The following LYN variants were observed in gnomAD, a reference collection of about 807,000 sequenced individuals.
LYN encodes tyrosine-protein kinase Lyn.
Under a neutral mutation model 65.0 loss-of-function variants are expected in LYN, and 12 were observed. The observed-to-expected ratio is 0.18, with a 90% CI of 0.12 to 0.30. The LOEUF (loss-of-function observed/expected upper bound fraction) is 0.30, where lower values mean the gene tolerates loss of function less well. Among genes scored for constraint, LYN ranks in the 10% least tolerant of loss-of-function variants. LYN has a pLI of 1.00. For missense variants in LYN, 380 were observed against 623.2 expected, an observed-to-expected ratio of 0.61 and a Z score of 4.16; for synonymous variants, 222 against 221.2, an observed-to-expected ratio of 1.00 and a Z score of -0.03.
At chr8:55,912,499 C>T (rs760201237) in intron 1 of LYN, among the ~76,000 whole-genome samples, 6 of 152,226 alleles carry the variant, frequency 3.9e-5, no homozygotes, top group African/African-American at 7.2e-5. Context: ...TCGAGGCAAG[C>T]GGATCACCTG....
intron 10 of LYN, among the ~76,000 whole-genome samples, chr8:55,972,539 G>C (rs2036898): frequency 0.87 from 132,505 of 152,192 alleles, 57,972 homozygotes; most frequent in African/African-American, 0.94. Context: ...TCCCTCGTCC[G>C]CCTGGGATGC....
At position 56,013,436 on chromosome 8, in the gene LYN, A is replaced by T. The variant is rs1187725753; in HGVS notation, c.*3326A>T. 1 of 151,956 alleles carries T rather than the reference A, an allele frequency of 6.6e-6. No homozygotes were observed. Among genetic ancestry groups the T allele is most frequent in the African/African-American group, 2.4e-5 (1 of 41,346 alleles). 9.4% of individuals were successfully genotyped at this position (151,956 alleles called of 1,614,324 possible). On this transcript the variant is annotated 3_prime_UTR_variant, in exon 13 of 13. Coordinates refer to ENST00000519728, the MANE Select transcript of LYN (RefSeq NM_002350.4). ...CAGGCACACACCATCTCGCCTGGCTAATTTTTGTATTTTTAGTAGAGATGG... is the reference window on the plus strand; with the variant it reads ...CAGGCACACACCATCTCGCCTGGCTTATTTTTGTATTTTTAGTAGAGATGG...
At chr8:55,923,968 G>A (rs1441929427) in intron 1 of LYN, among the ~76,000 whole-genome samples, 1 of 151,752 alleles carries the variant, frequency 6.6e-6, no homozygotes, top group Non-Finnish European at 1.5e-5. Context: ...TCTCAAATGG[G>A]ATGTGTACAC....
intron 1 of LYN, among the ~76,000 whole-genome samples, chr8:55,889,080 C>A (rs1804881628): frequency 6.6e-6 from 1 of 152,150 alleles, no homozygotes; most frequent in Non-Finnish European, 1.5e-5. Context: ...TGCAGTGGTG[C>A]TATCTCGGCT....
At chr8:55,961,296 A>G (rs1349090647) in intron 8 of LYN, among the ~76,000 whole-genome samples, 4 of 152,220 alleles carry the variant, frequency 2.6e-5, no homozygotes, top group South Asian at 4.1e-4. Flanking sequence ...TACTAGCTCA[A>G]AAAGTTTTTT....
intron 10 of LYN, among the ~76,000 whole-genome samples, chr8:55,987,191 T>A (rs1434621746): frequency 6.6e-6 from 1 of 152,014 alleles, no homozygotes; most frequent in African/African-American, 2.4e-5. Context: ...GGCAGGCGGA[T>A]CACCTGAGAT....
intron 3 of LYN, 53 bp from the exon 4 acceptor site, chr8:55,947,565 A>T: frequency 1.5e-6 from 2 of 1,351,780 alleles, no homozygotes; most frequent in Non-Finnish European, 2.1e-6. Flanking sequence ...GAGGTTTGTT[A>T]AAACGCTTCT....
chr8:55,920,184 C>A (rs1805903978), intron 1 of LYN, among the ~76,000 whole-genome samples: 2 of 152,010 alleles, frequency 1.3e-5, no homozygotes, highest in South Asian at 2.1e-4. Context: ...GAATCTGAAA[C>A]CTGGACCACT....
chr8:55,887,571 T>TAC lies in LYN; in HGVS notation c.-6+7469_-6+7470insCA, dbSNP rs771404548. On this transcript the variant is annotated intron_variant, in intron 1 of 12. Transcript: ENST00000519728. ...ATAAAAATATAAATATATATATATA[T>TAC]ATATACACACACACACACACACACA... is the stretch of plus-strand genomic sequence containing the variant. Among the ~76,000 whole-genome samples, 490 of 50,316 alleles carry TAC rather than the reference T, an allele frequency of 9.7e-3. 4 individuals are homozygous for TAC. The highest frequency in any genetic ancestry group is 0.04 in the African/African-American group (462 of 11,690). 33.0% of individuals were successfully genotyped at this position (50,316 alleles called of 152,430 possible). A position where few individuals can be genotyped will look rare whatever the true frequency, so the allele number is the denominator to read the frequency against.
At chr8:55,950,655 C>T in intron 5 of LYN, 26 bp from the exon 6 acceptor site, 1 of 1,583,882 alleles carries the variant, frequency 6.3e-7, no homozygotes, top group Non-Finnish European at 8.7e-7. Flanking sequence ...ACATAATATG[C>T]AGGAAATGTT....
At chr8:55,938,165 T>C (rs756373969) in intron 1 of LYN, among the ~76,000 whole-genome samples, 1 of 152,186 alleles carries the variant, frequency 6.6e-6, no homozygotes, top group Non-Finnish European at 1.5e-5. Context: ...AAGAGAAATC[T>C]CCAGCCTCAC....
chr8:55,988,329 T>TGTGTGTGTGTGTG (rs1563325566), intron 10 of LYN, among the ~76,000 whole-genome samples: 2 of 151,776 alleles, frequency 1.3e-5, no homozygotes, highest in African/African-American at 2.4e-5. Context: ...TGTGTGTGTG[T>TGTGTGTGTGTGTG]TTACATCCTA....
intron 8 of LYN, among the ~76,000 whole-genome samples, chr8:55,954,398 A>G (rs10089932): frequency 0.23 from 35,394 of 152,178 alleles, 5,235 homozygotes; most frequent in Non-Finnish European, 0.31. Context: ...GGTCACCAAG[A>G]AAGTTTCTAA....
intron 8 of LYN, among the ~76,000 whole-genome samples, chr8:55,965,271 T>A (rs770433759): frequency 6.6e-6 from 1 of 152,082 alleles, no homozygotes; most frequent in Admixed American, 6.6e-5. Flanking sequence ...CTTGAACAAG[T>A]GTTCTGAGGT....
chr8:55,964,465 T>C (rs989192628), intron 8 of LYN, among the ~76,000 whole-genome samples: 3 of 152,242 alleles, frequency 2.0e-5, no homozygotes, highest in Admixed American at 2.0e-4. Context: ...GAAACATCAT[T>C]GGATAGGTTG....
intron 8 of LYN, among the ~76,000 whole-genome samples, chr8:55,959,873 G>T (rs752019975): frequency 8.5e-5 from 13 of 152,050 alleles, no homozygotes; most frequent in Non-Finnish European, 1.5e-4. Flanking sequence ...TTTTATGGAT[G>T]ACTTATAATA....
At chr8:55,952,230 A>T (rs1038781942) in intron 7 of LYN, 115 bp downstream of exon 7, 2 of 799,956 alleles carry the variant, frequency 2.5e-6, no homozygotes, top group Non-Finnish European at 3.7e-6. Flanking sequence ...TCTTAGATAC[A>T]GTTGCAGGTC....
At chr8:55,989,892 C>T (rs1585671558) in intron 10 of LYN, among the ~76,000 whole-genome samples, 1 of 152,096 alleles carries the variant, frequency 6.6e-6, no homozygotes, top group Non-Finnish European at 1.5e-5. Flanking sequence ...CCCAGGAAGG[C>T]GGGATGTCTT....
intron 8 of LYN, among the ~76,000 whole-genome samples, chr8:55,958,590 A>C (rs1020782351): frequency 6.6e-6 from 1 of 152,198 alleles, no homozygotes; most frequent in Admixed American, 6.5e-5. Flanking sequence ...ATCTGATAAA[A>C]CTGAGAGACT....
Sources: gnomAD v4.1 joint callset for allele counts (sites outside exome capture counted in the v4.1 genomes callset) on GRCh38, gnomAD v4.1.1 for gene constraint, MANE v1.5 for transcripts, NCBI Gene and HGNC (gene_info 2026-07-23, HGNC 2026-07-21) for gene names.